The following COL18A1 variants were observed in gnomAD, a reference collection of about 807,000 sequenced individuals.
The protein encoded by COL18A1 is collagen type XVIII alpha 1 chain, also known as collagen alpha-1(XVIII) chain.
COL18A1 carries 133 observed loss-of-function variants against 168.0 expected under a neutral mutation model. That is an observed-to-expected ratio of 0.79 (90% CI 0.69 to 0.91). The LOEUF (loss-of-function observed/expected upper bound fraction) is 0.91. Among genes scored for constraint, COL18A1 ranks in the 40% least tolerant of loss-of-function variants. The pLI, the probability that COL18A1 is intolerant of heterozygous loss-of-function variation, is 0.00. For missense variants in COL18A1, 2,126 were observed against 1,925.4 expected, an observed-to-expected ratio of 1.10 and a Z score of -1.95; for synonymous variants, 949 against 809.0, an observed-to-expected ratio of 1.17 and a Z score of -2.94.
intron 2 of COL18A1, among the ~76,000 whole-genome samples, chr21:45,444,235 A>G (rs144301061): frequency 7.9e-5 from 12 of 152,236 alleles, no homozygotes; most frequent in African/African-American, 2.6e-4. Context: ...TCTCCAGCGC[A>G]TCTTCAGTGC....
Position 45,428,118 on chromosome 21 carries a change from G to C in COL18A1, c.106+22645G>C, listed in dbSNP as rs981596838. On this transcript the variant is annotated intron_variant, in intron 2 of 41. Coordinates refer to ENST00000651438, the MANE Select transcript of COL18A1 (RefSeq NM_001379500.1). Reference sequence around the variant, plus strand: ...GCCCCCATCCCTCTGTGGGCAGCTCGAGTGTGCATCTTGAGTGCTGTGCAG... The same window carrying C: ...GCCCCCATCCCTCTGTGGGCAGCTCCAGTGTGCATCTTGAGTGCTGTGCAG... Among the ~76,000 whole-genome samples the C allele has an allele frequency of 5.3e-5, 8 of 152,326 alleles. No homozygotes were observed. In the East Asian group the frequency reaches 1.4e-3, roughly 26 times the overall value.
intron 31 of COL18A1, 107 bp from the exon 32 acceptor site, chr21:45,497,492 C>A: frequency 1.4e-6 from 2 of 1,414,474 alleles, no homozygotes; most frequent in Non-Finnish European, 1.9e-6. Flanking sequence ...CATCTGATGC[C>A]CCCCCATCCA....
At chr21:45,431,871 T>G (rs941382221) in intron 2 of COL18A1, among the ~76,000 whole-genome samples, 1 of 151,802 alleles carries the variant, frequency 6.6e-6, no homozygotes, top group Admixed American at 6.6e-5. Context: ...GGCGGGTGAG[T>G]GGGTGGGTGG....
intron 38 of COL18A1, 23 bp from the exon 39 acceptor site, chr21:45,509,333 G>A (rs1231059133): frequency 1.3e-6 from 2 of 1,542,248 alleles, no homozygotes; most frequent in Non-Finnish European, 1.7e-6. Flanking sequence ...CCCGCCGACA[G>A]GCCCCACGTC....
intron 2 of COL18A1, among the ~76,000 whole-genome samples, chr21:45,409,679 C>G (rs1254116502): frequency 1.3e-5 from 2 of 152,246 alleles, no homozygotes; most frequent in Non-Finnish European, 2.9e-5. Context: ...CCATCTGGTG[C>G]CTGAGCGCAG....
In COL18A1 at chr21:45,505,138, C is replaced by T. The variant is rs2037115005; in HGVS notation, c.2873C>T (p.Pro958Leu). The T allele has an allele frequency of 6.2e-7, 1 of 1,609,310 alleles. No individual in the cohort carries two copies. The highest frequency in any genetic ancestry group is 1.3e-5 in the African/African-American group (1 of 74,790). Residue 958 changes from proline (P) to leucine (L), a missense_variant, in exon 35 of 42, where the codon CCC becomes CTC. Transcript: ENST00000651438. ...GTCTCTTGTCGCCGTCCGTAGGGTC[C>T]CAAGGGAGAGAGCATCCGGGGCCAG... ...GPRGYPGIPG[P>L]KGESIRGQPG...
At chr21:45,492,759 G>A in intron 24 of COL18A1, 46 bp downstream of exon 24, 3 of 839,756 alleles carry the variant, frequency 3.6e-6, no homozygotes, top group Middle Eastern at 8.2e-4. Context: ...GCTGGGGAGG[G>A]GTCTCCACCT....
intron 2 of COL18A1, chr21:45,467,388 C>T (rs888621034): frequency 2.4e-5 from 24 of 985,070 alleles, no homozygotes; most frequent in Non-Finnish European, 2.8e-5. Context: ...CACGGAGCAG[C>T]GGGGCTGGTG....
chr21:45,418,403 A>G (rs1323269566), intron 2 of COL18A1, among the ~76,000 whole-genome samples: 2 of 151,808 alleles, frequency 1.3e-5, no homozygotes, highest in Non-Finnish European at 2.9e-5. Flanking sequence ...ACGTCAAGGC[A>G]GCCGTCCCTT....
chr21:45,426,542 C>T (rs1195186889), intron 2 of COL18A1, among the ~76,000 whole-genome samples: 2 of 152,224 alleles, frequency 1.3e-5, no homozygotes, highest in African/African-American at 2.4e-5. Context: ...ACGTCCGGCC[C>T]TGGAAGCCCC....
chr21:45,457,293 A>G lies in COL18A1; in HGVS notation c.107-10949A>G, dbSNP rs1212036550. On this transcript the variant is annotated intron_variant, in intron 2 of 41. Transcript: ENST00000651438. The surrounding 1 kb of genome is among the most constrained non-coding windows in gnomAD (Gnocchi z 4.6). ...CTGCATCGACCTTGCTCCGGTCACT[A>G]AGCTGCACGGTTCGATGCGCTTCCT... Among the ~76,000 whole-genome samples the G allele has an allele frequency of 6.6e-6, 1 of 152,136 alleles. No individual in the cohort carries two copies. Among genetic ancestry groups the G allele is most frequent in the African/African-American group, 2.4e-5 (1 of 41,438 alleles).
At chr21:45,496,342 G>T (rs1177938183) in intron 29 of COL18A1, 158 bp from the exon 30 acceptor site, 2 of 722,604 alleles carry the variant, frequency 2.8e-6, no homozygotes, top group South Asian at 1.5e-5. Context: ...TCCTCAGGGA[G>T]CCGTGGCCCG....
intron 27 of COL18A1, 136 bp downstream of exon 27, chr21:45,494,707 C>G: frequency 3.6e-6 from 5 of 1,403,494 alleles, no homozygotes; most frequent in Non-Finnish European, 5.0e-6. Context: ...GCGTGTGGGG[C>G]AGGTGTCGGC....
intron 32 of COL18A1, among the ~76,000 whole-genome samples, chr21:45,503,778 A>G (rs1333353702): frequency 2.6e-5 from 4 of 152,190 alleles, no homozygotes; most frequent in South Asian, 4.1e-4. Context: ...CTAAAACTTA[A>G]AGTATAATAA....
At chr21:45,508,067 GA>G (rs1282681428) in intron 38 of COL18A1, among the ~76,000 whole-genome samples, 1 of 150,810 alleles carries the variant, frequency 6.6e-6, no homozygotes, top group African/African-American at 2.4e-5. Context: ...GTGGATGGAT[GA>G]GTAGATGGTG....
In COL18A1 at chr21:45,487,139, A is replaced by C. The variant is rs575153329; in HGVS notation, c.1833+147A>C. 8 of 875,452 alleles carry C rather than the reference A, an allele frequency of 9.1e-6. No individual in the cohort carries two copies. The East Asian group carries it at 1.3e-4, about 15-fold the overall frequency. The allele number at this position is 875,452 out of a possible 1,614,324, so 54.2% of individuals were successfully genotyped here. On this transcript the variant is annotated intron_variant, in intron 16 of 41. Transcript: ENST00000651438. ...CTCATCCTGGGATTCCATATTCCGCATGGTGGGGCTCGAGTCTCTCGCCCG... is the reference window on the plus strand; with the variant it reads ...CTCATCCTGGGATTCCATATTCCGCCTGGTGGGGCTCGAGTCTCTCGCCCG...
intron 6 of COL18A1, 62 bp from the exon 7 acceptor site, chr21:45,477,349 C>G: frequency 7.1e-7 from 1 of 1,417,036 alleles, no homozygotes; most frequent in Non-Finnish European, 9.8e-7. Context: ...TCTGGGGTGC[C>G]GAGAGCAGAG....
At chr21:45,477,614 T>A in intron 7 of COL18A1, 127 bp downstream of exon 7, 1 of 1,260,792 alleles carries the variant, frequency 7.9e-7, no homozygotes, top group Non-Finnish European at 1.1e-6. Context: ...CAGCACTCGG[T>A]GCCAGCATGC....
In COL18A1 at chr21:45,433,412, G is replaced by A. The variant is rs1453071414; in HGVS notation, c.106+27939G>A. 3.9e-5 allele frequency among the ~76,000 whole-genome samples: 6 copies of A among 152,208 alleles called. No individual in the cohort carries two copies. The East Asian group carries it at 9.6e-4, about 24-fold the overall frequency. On this transcript the variant is annotated intron_variant, in intron 2 of 41. Transcript: ENST00000651438. ...AGCCTCTCTGGTCGTCTTTGTGTGCGTCTGTGCCTGTGCCTGGTAGTAGTT... is the reference window on the plus strand; with the variant it reads ...AGCCTCTCTGGTCGTCTTTGTGTGCATCTGTGCCTGTGCCTGGTAGTAGTT...
Sources: gnomAD v4.1 joint callset for allele counts (sites outside exome capture counted in the v4.1 genomes callset) on GRCh38, gnomAD v4.1.1 for gene constraint, Gnocchi (gnomAD v3.1) non-coding constraint, MANE v1.5 for transcripts, NCBI Gene and HGNC (gene_info 2026-07-23, HGNC 2026-07-21) for gene names.